The following EPHA7 variants were observed in gnomAD, a reference collection of about 807,000 sequenced individuals.
The protein encoded by EPHA7 is ephrin type-A receptor 7.
In EPHA7, 25 loss-of-function variants were observed where a neutral mutation model predicts 112.6. That is an observed-to-expected ratio of 0.22 (90% CI 0.16 to 0.31). The LOEUF is 0.31. Ranked by LOEUF, EPHA7 falls within the 10% of genes least tolerant of loss-of-function variation. The pLI is 1.00. For synonymous variants in EPHA7, 437 were observed against 406.5 expected, an observed-to-expected ratio of 1.07 and a Z score of -0.90; for missense variants, 962 against 1,212.6, an observed-to-expected ratio of 0.79 and a Z score of 3.07.
chr6:93,399,943 C>T (rs1484219556), intron 3 of EPHA7, among the ~76,000 whole-genome samples: 1 of 151,992 alleles, frequency 6.6e-6, no homozygotes, highest in Non-Finnish European at 1.5e-5. Context: ...CACACTCAAA[C>T]TTGAAGAATT....
chr6:93,407,903 T>C (rs1778795744), intron 3 of EPHA7, among the ~76,000 whole-genome samples: 2 of 151,982 alleles, frequency 1.3e-5, no homozygotes, highest in Non-Finnish European at 2.9e-5. Flanking sequence ...TCATGATAAA[T>C]ATATCTATTT....
chr6:93,272,513 A>C, intron 5 of EPHA7, 91 bp from the exon 6 acceptor site: 2 of 1,502,888 alleles, frequency 1.3e-6, no homozygotes, highest in Non-Finnish European at 1.8e-6. Context: ...ATGCTGTGCC[A>C]GTTTCATTAA....
intron 7 of EPHA7, among the ~76,000 whole-genome samples, chr6:93,267,058 CATG>C (rs1308717254): frequency 6.6e-6 from 1 of 151,718 alleles, no homozygotes; most frequent in East Asian, 1.9e-4. Context: ...AGGTATATGA[CATG>C]ATAATACTAT....
At chr6:93,406,928 C>A (rs927021001) in intron 3 of EPHA7, among the ~76,000 whole-genome samples, 1 of 151,714 alleles carries the variant, frequency 6.6e-6, no homozygotes, top group African/African-American at 2.4e-5. Flanking sequence ...TAGTTTGCAT[C>A]AAAGTTGTTA....
intron 5 of EPHA7, among the ~76,000 whole-genome samples, chr6:93,292,901 C>A (rs1233156639): frequency 1.3e-5 from 2 of 152,046 alleles, no homozygotes; most frequent in Non-Finnish European, 1.5e-5. Flanking sequence ...ATTGTTTGCA[C>A]TCATTTTGGA....
At chr6:93,357,874 G>A (rs914408226) in intron 4 of EPHA7, among the ~76,000 whole-genome samples, 1 of 151,848 alleles carries the variant, frequency 6.6e-6, no homozygotes, top group Non-Finnish European at 1.5e-5. Context: ...GGCTAGTCTC[G>A]AACTCCTGAC....
chr6:93,282,516 C>T (rs936241025), intron 5 of EPHA7, among the ~76,000 whole-genome samples: 7 of 152,212 alleles, frequency 4.6e-5, no homozygotes, highest in Non-Finnish European at 1.0e-4. Context: ...TCACTCTTGG[C>T]GCCTCCTCGG....
At chr6:93,296,011 T>C (rs1270724344) in intron 5 of EPHA7, among the ~76,000 whole-genome samples, 3 of 151,848 alleles carry the variant, frequency 2.0e-5, no homozygotes, top group African/African-American at 7.2e-5. Flanking sequence ...TTTAAGGCTT[T>C]ATATATAATT....
chr6:93,343,825 C>T lies in EPHA7; in HGVS notation c.1324+12892G>A, dbSNP rs146179786. Among the ~76,000 whole-genome samples the T allele has an allele frequency of 1.1e-3, 163 of 151,780 alleles. 1 individual carries two copies. Among genetic ancestry groups the T allele is most frequent in the African/African-American group, 3.6e-3 (149 of 41,498 alleles). On this transcript the variant is annotated intron_variant, in intron 5 of 16. Coordinates refer to ENST00000369303, the MANE Select transcript of EPHA7 (RefSeq NM_004440.4). ...GGAGGTCAGCTGTTGTATTTTCAAA[C>T]ATAACACCAGTGTTTAATGCAGCAA... is the stretch of plus-strand genomic sequence containing the variant.
At chr6:93,381,567 T>C (rs1179427264) in intron 3 of EPHA7, among the ~76,000 whole-genome samples, 1 of 152,118 alleles carries the variant, frequency 6.6e-6, no homozygotes, top group Non-Finnish European at 1.5e-5. Flanking sequence ...TTATAACAAA[T>C]GGATAATTAA....
chr6:93,418,138 A>G (rs1482236577), intron 1 of EPHA7, among the ~76,000 whole-genome samples: 1 of 146,858 alleles, frequency 6.8e-6, no homozygotes, highest in African/African-American at 2.5e-5. Context: ...TGAAACTTAG[A>G]TACACAGCCT....
intron 15 of EPHA7, among the ~76,000 whole-genome samples, 192 bp downstream of exon 15, chr6:93,246,600 T>A (rs1400179610): frequency 6.6e-6 from 1 of 152,142 alleles, no homozygotes; most frequent in Non-Finnish European, 1.5e-5. Context: ...ACTAATAGAT[T>A]CTTTTCAAAC....
At chr6:93,299,306 A>C (rs974934333) in intron 5 of EPHA7, among the ~76,000 whole-genome samples, 5 of 151,914 alleles carry the variant, frequency 3.3e-5, no homozygotes, top group Admixed American at 1.3e-4. Flanking sequence ...AGCCTGGGCG[A>C]CAGAGCGAGA....
At chr6:93,325,367 C>T (rs1774268368) in intron 5 of EPHA7, among the ~76,000 whole-genome samples, 1 of 151,126 alleles carries the variant, frequency 6.6e-6, no homozygotes, top group South Asian at 2.1e-4. Flanking sequence ...GCCTCTTTAT[C>T]AAAACAAAAG....
intron 5 of EPHA7, among the ~76,000 whole-genome samples, chr6:93,278,218 T>A (rs953106883): frequency 1.3e-5 from 2 of 152,080 alleles, no homozygotes; most frequent in Non-Finnish European, 2.9e-5. Context: ...GGAGAAGAGC[T>A]ACTGTTGGTC....
chr6:93,345,265 A>G (rs1775343912), intron 5 of EPHA7, among the ~76,000 whole-genome samples: 1 of 151,718 alleles, frequency 6.6e-6, no homozygotes, highest in African/African-American at 2.4e-5. Flanking sequence ...AACGTTCTGC[A>G]TCTTTCTATA....
intron 5 of EPHA7, among the ~76,000 whole-genome samples, chr6:93,279,937 A>G (rs1274138588): frequency 6.6e-6 from 1 of 152,144 alleles, no homozygotes; most frequent in Non-Finnish European, 1.5e-5. Context: ...CCTTCACTGT[A>G]ACACTAAAAT....
At chr6:93,411,274 T>C in intron 2 of EPHA7, 104 bp from the exon 3 acceptor site, 1 of 889,514 alleles carries the variant, frequency 1.1e-6, no homozygotes. Flanking sequence ...AAAGTTAGGT[T>C]GATTCCTATG....
rs539568372 is a variant in EPHA7 at position 93,293,553 on chromosome 6, GT to G, written c.1325-21132del. On this transcript the variant is annotated intron_variant, in intron 5 of 16. Coordinates refer to ENST00000369303, the MANE Select transcript of EPHA7 (RefSeq NM_004440.4). ...TGAAAGAAAATATCGTCATTCTCAC[GT>G]CTTTTTAAAACCAATCTGTCGACAC... Among the ~76,000 whole-genome samples the G allele has an allele frequency of 7.4e-3, 1,119 of 152,144 alleles. 17 individuals are homozygous for G. Among genetic ancestry groups the G allele is most frequent in the African/African-American group, 0.026 (1,074 of 41,500 alleles).
Sources: allele counts gnomAD v4.1 joint callset (sites outside exome capture counted in the v4.1 genomes callset), GRCh38; gene constraint gnomAD v4.1.1; transcripts MANE v1.5; gene names NCBI Gene and HGNC (gene_info 2026-07-23, HGNC 2026-07-21).